LAMP3: variants seen among roughly 807,000 people sequenced by gnomAD.
LAMP3 encodes lysosome-associated membrane glycoprotein 3.
In LAMP3, 26 loss-of-function variants were observed where a neutral mutation model predicts 34.8. The observed-to-expected ratio is 0.75, with a 90% CI of 0.55 to 1.04. LAMP3 has a LOEUF of 1.04. Ranked by LOEUF, LAMP3 falls within the 50% of genes least tolerant of loss-of-function variation. LAMP3 has a pLI of 0.00. For synonymous variants in LAMP3, 180 were observed against 201.9 expected, an observed-to-expected ratio of 0.89 and a Z score of 0.92; for missense variants, 495 against 524.0, an observed-to-expected ratio of 0.94 and a Z score of 0.54.
At chr3:183,137,043 G>A (rs915699589) in intron 4 of LAMP3, among the ~76,000 whole-genome samples, 2 of 151,588 alleles carry the variant, frequency 1.3e-5, no homozygotes, top group African/African-American at 2.4e-5. Context: ...GGGCATGGTG[G>A]TTGGTGGTTC....
At position 183,160,852 on chromosome 3, in the gene LAMP3, C is replaced by G. The variant is rs540757240; in HGVS notation, c.49+1755G>C. The G allele has an allele frequency of 2.6e-5, 4 of 152,298 alleles. No individual in the cohort carries two copies. In the East Asian group the frequency reaches 5.8e-4, roughly 22 times the overall value. 9.4% of individuals were successfully genotyped at this position (152,298 alleles called of 1,614,324 possible). A position where few individuals can be genotyped will look rare whatever the true frequency, so the allele number is the denominator to read the frequency against. On this transcript the variant is annotated intron_variant, in intron 1 of 5. Coordinates refer to ENST00000265598, the MANE Select transcript of LAMP3 (RefSeq NM_014398.4). ...AAGTAAAACGGAGACAATAGCAGTA[C>G]TTACAAAGCTGTTTTGTGGATTAAA...
At chr3:183,160,130 T>C (rs1216485181) in intron 1 of LAMP3, among the ~76,000 whole-genome samples, 2 of 152,230 alleles carry the variant, frequency 1.3e-5, no homozygotes, top group Non-Finnish European at 2.9e-5. Flanking sequence ...ACTGTTATTT[T>C]GGCTTGTGTC....
At chr3:183,156,283 C>A (rs189456151) in intron 1 of LAMP3, among the ~76,000 whole-genome samples, 1 of 152,146 alleles carries the variant, frequency 6.6e-6, no homozygotes, top group Non-Finnish European at 1.5e-5. Context: ...ATAGCTTGAA[C>A]CCGGGAGGCT....
intron 1 of LAMP3, among the ~76,000 whole-genome samples, chr3:183,158,590 G>A (rs1720887114): frequency 6.6e-6 from 1 of 150,900 alleles, no homozygotes; most frequent in African/African-American, 2.4e-5. Context: ...TTTGCATGAA[G>A]AGGCGTTAGA....
At chr3:183,151,290 G>A (rs1553875946) in intron 3 of LAMP3, among the ~76,000 whole-genome samples, 1 of 152,214 alleles carries the variant, frequency 6.6e-6, no homozygotes, top group Non-Finnish European at 1.5e-5. Context: ...TCTGAGGCAA[G>A]CGGGGGCAAG....
chr3:183,156,123 G>A (rs1159210326), intron 1 of LAMP3, among the ~76,000 whole-genome samples: 2 of 152,194 alleles, frequency 1.3e-5, no homozygotes, highest in East Asian at 3.9e-4. Context: ...ACTTTGGGAG[G>A]CCAACGTGGG....
intron 4 of LAMP3, among the ~76,000 whole-genome samples, chr3:183,138,819 C>T (rs937602466): frequency 6.6e-6 from 1 of 152,144 alleles, no homozygotes; most frequent in African/African-American, 2.4e-5. Flanking sequence ...CTCTGTCCCT[C>T]GACCTCACCT....
At position 183,122,256 on chromosome 3, in the gene LAMP3, A is replaced by C. The variant is rs1719689348; in HGVS notation, c.*1825T>G. 6.6e-6 allele frequency: 1 copy of C among 152,210 alleles called. No individual in the cohort carries two copies. The allele number at this position is 152,210 out of a possible 1,614,324, so 9.4% of individuals were successfully genotyped here. On this transcript the variant is annotated 3_prime_UTR_variant, in exon 6 of 6. Coordinates refer to ENST00000265598, the MANE Select transcript of LAMP3 (RefSeq NM_014398.4). ...ATTACAAAAACCTTTACTACAATTC[A>C]ATGTTTTATTAAGACTAAAGTCAGG...
At chr3:183,142,238 T>A (rs1405454913) in intron 3 of LAMP3, among the ~76,000 whole-genome samples, 1 of 152,220 alleles carries the variant, frequency 6.6e-6, no homozygotes, top group Admixed American at 6.5e-5. Context: ...GCCCCATCCC[T>A]AAGGGCAAAG....
In LAMP3 at chr3:183,122,538, C is replaced by A. The variant is rs1233302414; in HGVS notation, c.*1543G>T. On this transcript the variant is annotated 3_prime_UTR_variant, in exon 6 of 6. Coordinates refer to ENST00000265598, the MANE Select transcript of LAMP3 (RefSeq NM_014398.4). The stretch of plus-strand genomic sequence containing the variant: ...AGCAGCAAGTTACCACAAGATGGGG[C>A]TATACACTCAAGAAAGAACAGTTGG... 6.6e-6 allele frequency: 1 copy of A among 152,172 alleles called. No individual in the cohort carries two copies. The highest frequency in any genetic ancestry group is 2.4e-5 in the African/African-American group (1 of 41,446). The allele number at this position is 152,172 out of a possible 1,614,324, so 9.4% of individuals were successfully genotyped here.
At chr3:183,130,727 G>A (rs1384581621) in intron 5 of LAMP3, among the ~76,000 whole-genome samples, 4 of 152,120 alleles carry the variant, frequency 2.6e-5, no homozygotes, top group Non-Finnish European at 5.9e-5. Context: ...CGTCTGCTTT[G>A]GGGTTTCTTC....
chr3:183,154,316 G>C lies in LAMP3; in HGVS notation c.125C>G (p.Ala42Gly). 3 of 1,614,030 alleles carry C rather than the reference G, an allele frequency of 1.9e-6. No individual in the cohort carries two copies. The South Asian group carries it at 3.3e-5, about 18-fold the overall frequency. ...ETRDYSQPTA[A>G]ATVQDIKKPV... ...TTTTTTTATGTCCTGTACTGTTGCT[G>C]CTGCAGTAGGTTGAGAATAATCTCT... Residue 42 changes from alanine (A) to glycine (G), a missense_variant, in exon 2 of 6, where the codon GCA becomes GGA. Ala to Gly is a moderately conservative substitution (Grantham distance 60). Coordinates refer to ENST00000265598, the MANE Select transcript of LAMP3 (RefSeq NM_014398.4).
At chr3:183,131,771 G>T (rs893634566) in intron 5 of LAMP3, 5 of 370,244 alleles carry the variant, frequency 1.4e-5, no homozygotes, top group Non-Finnish European at 7.5e-6. Context: ...GGAAAAACAA[G>T]AAAACTTCCA....
At chr3:183,128,308 G>A (rs888724731) in intron 5 of LAMP3, among the ~76,000 whole-genome samples, 2 of 152,040 alleles carry the variant, frequency 1.3e-5, no homozygotes, top group Admixed American at 1.3e-4. Context: ...CTTAGTTCTT[G>A]TTTATATTTC....
chr3:183,145,480 T>A (rs1720412067), intron 3 of LAMP3, among the ~76,000 whole-genome samples: 1 of 152,176 alleles, frequency 6.6e-6, no homozygotes, highest in Admixed American at 6.5e-5. Context: ...ATGATATGGA[T>A]AATTTGCCTT....
At chr3:183,125,873 C>T (rs1045259512) in intron 5 of LAMP3, among the ~76,000 whole-genome samples, 1 of 152,088 alleles carries the variant, frequency 6.6e-6, no homozygotes, top group Non-Finnish European at 1.5e-5. Context: ...TGGGGTCTTG[C>T]TATGTGGCCC....
chr3:183,123,903 T>C lies in LAMP3; in HGVS notation c.*178A>G, dbSNP rs896425499. On this transcript the variant is annotated 3_prime_UTR_variant, in exon 6 of 6. Transcript: ENST00000265598. ...TCTTTCATAAAATAAACAAAAAGTA[T>C]TTAGAAATTGATGTGCTGCCTGAAC... 3 of 598,468 alleles carry C rather than the reference T, an allele frequency of 5.0e-6. No homozygotes were observed. Among genetic ancestry groups the C allele is most frequent in the Non-Finnish European group, 8.6e-6 (3 of 348,316 alleles). 37.1% of individuals were successfully genotyped at this position (598,468 alleles called of 1,614,324 possible). A position where few individuals can be genotyped will look rare whatever the true frequency, so the allele number is the denominator to read the frequency against.
intron 3 of LAMP3, among the ~76,000 whole-genome samples, chr3:183,142,912 G>A (rs767243570): frequency 4.9e-4 from 74 of 152,070 alleles, no homozygotes; most frequent in Non-Finnish European, 1.3e-4. Context: ...GTCCCTGATG[G>A]GCAGGGCCAC....
Position 183,133,596 on chromosome 3 carries a change from T to C in LAMP3, c.1117+2121A>G, listed in dbSNP as rs75794790. Among the ~76,000 whole-genome samples, 221 of 152,268 alleles carry C rather than the reference T, an allele frequency of 1.5e-3. 2 individuals carry two copies. Among genetic ancestry groups the C allele is most frequent in the African/African-American group, 4.8e-3 (199 of 41,562 alleles). On this transcript the variant is annotated intron_variant, in intron 5 of 5. Transcript: ENST00000265598. Reference sequence around the variant, plus strand: ...GTCTCATAGTCCTGGCCTCAAGTGATCCACCTGCCTTGGCCTCCCAAAGTG... The same window carrying C: ...GTCTCATAGTCCTGGCCTCAAGTGACCCACCTGCCTTGGCCTCCCAAAGTG...
Sources: allele counts gnomAD v4.1 joint callset (sites outside exome capture counted in the v4.1 genomes callset), GRCh38; gene constraint gnomAD v4.1.1; transcripts MANE v1.5; gene names NCBI Gene and HGNC (gene_info 2026-07-23, HGNC 2026-07-21).